The following ZFAND4 variants were observed in gnomAD, a reference collection of about 807,000 sequenced individuals.
ZFAND4 encodes the protein zinc finger AN1-type containing 4.
ZFAND4 carries 43 observed loss-of-function variants against 64.4 expected under a neutral mutation model. The ratio of observed to expected loss-of-function variants is 0.67; its 90% confidence interval spans 0.52 to 0.86. The LOEUF is 0.86. ZFAND4 is among the 40% of genes least tolerant of loss of function. The probability of loss-of-function intolerance (pLI) is 0.00; values close to 1 mark genes in which losing one functional copy is unlikely to be tolerated. For synonymous variants in ZFAND4, 296 were observed against 305.7 expected (o/e 0.97, Z 0.33); for missense variants, 929 against 859.8 (o/e 1.08, Z -1.01).
At chr10:45,641,837 A>C (rs924021172) in intron 5 of ZFAND4, among the ~76,000 whole-genome samples, 1 of 152,228 alleles carries the variant, frequency 6.6e-6, no homozygotes, top group African/African-American at 2.4e-5. Context: ...TGCAGGTGAG[A>C]GAGGTTAAGT....
intron 5 of ZFAND4, among the ~76,000 whole-genome samples, chr10:45,645,670 C>G (rs78712148): frequency 0.02 from 3,116 of 152,186 alleles, 116 homozygotes; most frequent in African/African-American, 0.07. Flanking sequence ...TTGAATTACA[C>G]GTAACAGCAA....
Position 45,626,121 on chromosome 10 carries a change from T to G in ZFAND4, c.1702A>C (p.Ser568Arg). The G allele has an allele frequency of 6.2e-7, 1 of 1,614,172 alleles. No homozygotes were observed. Among genetic ancestry groups the G allele is most frequent in the Non-Finnish European group, 8.5e-7 (1 of 1,180,038 alleles). The change falls in exon 7 of 10, where the codon AGT becomes CGT. Residue 568 changes from serine to arginine, a missense_variant. Physicochemically the swap from Ser to Arg is moderately radical, Grantham distance 110. Transcript: ENST00000344646. ...CTCCCGGCCAGTGAGGCAAGAAAAC[T>G]GATATTATTTACACAACCAACAGGC... ...KEPVGCVNNI[S>R]FLASLAGSTS...
rs1485290107 is a variant in ZFAND4, at chr10:45,663,563, C to T, written c.163G>A (p.Ala55Thr). Residue 55 changes from alanine to threonine, a missense_variant, in exon 2 of 10, where the codon GCA (alanine) becomes ACA (threonine). Transcript: ENST00000344646. ...GTACCTTCCAATCTTCGAATTTTTG[C>T]TTTCACAGAAATAACAGTTTCAAAA... ...SPFETVISVK[A>T]KIRRLEGIPI... 6.3e-7 allele frequency: 1 copy of T among 1,590,444 alleles called. No homozygotes were observed. The highest frequency in any genetic ancestry group is 1.2e-5 in the South Asian group (1 of 85,792).
chr10:45,662,575 C>G (rs2133851350), intron 2 of ZFAND4: 1 of 984,892 alleles, frequency 1.0e-6, no homozygotes, highest in Middle Eastern at 5.2e-4. Flanking sequence ...GACTCTAGAT[C>G]TCACCAAATC....
chr10:45,629,684 A>AAACCCATCT (rs1194491542), intron 6 of ZFAND4, among the ~76,000 whole-genome samples: 1 of 151,826 alleles, frequency 6.6e-6, no homozygotes, highest in Non-Finnish European at 1.5e-5. Flanking sequence ...AACATGAGAA[A>AAACCCATCT]AACCCATCTC....
rs756788884 is a variant in ZFAND4, at chr10:45,648,244, A to G, written c.569+50T>C. On this transcript the variant is annotated intron_variant, in intron 5 of 9. Transcript: ENST00000344646. ...AATGAGATGCATGACATTTGTTAATATATATAGATTATTTTGACAACACAA... is the reference window on the plus strand; with the variant it reads ...AATGAGATGCATGACATTTGTTAATGTATATAGATTATTTTGACAACACAA... 4.7e-6 allele frequency: 7 copies of G among 1,503,290 alleles called. No homozygotes were observed. The East Asian group carries it at 1.6e-4, about 35-fold the overall frequency. The allele number at this position is 1,503,290 out of a possible 1,614,324, so 93.1% of individuals were successfully genotyped here.
intron 1 of ZFAND4, among the ~76,000 whole-genome samples, chr10:45,670,101 G>A (rs988352549): frequency 6.6e-6 from 1 of 152,088 alleles, no homozygotes; most frequent in African/African-American, 2.4e-5. Flanking sequence ...GTCCCTGTTT[G>A]CAGATGACAT....
At chr10:45,665,075 C>T (rs937778156) in intron 1 of ZFAND4, among the ~76,000 whole-genome samples, 2 of 152,174 alleles carry the variant, frequency 1.3e-5, no homozygotes, top group East Asian at 3.9e-4. Context: ...GAGTGGTAAG[C>T]CCAACAAATA....
rs2049256461 is a variant in ZFAND4 at position 45,672,370 on chromosome 10, A to G, written c.-238T>C. ...TCCGCGTGACAACAGCGACTCGGAG[A>G]TCAGCACCCGTCGGGAAAGCCGCGT... On this transcript the variant is annotated 5_prime_UTR_variant, in exon 1 of 10. Transcript: ENST00000344646. 1 of 152,318 alleles carries G rather than the reference A, an allele frequency of 6.6e-6. No homozygotes were observed. The highest frequency in any genetic ancestry group is 2.1e-4 in the South Asian group (1 of 4,836). 9.4% of individuals were successfully genotyped at this position (152,318 alleles called of 1,614,324 possible).
At chr10:45,667,943 C>G (rs544052320) in intron 1 of ZFAND4, among the ~76,000 whole-genome samples, 1 of 152,222 alleles carries the variant, frequency 6.6e-6, no homozygotes, top group Non-Finnish European at 1.5e-5. Flanking sequence ...GGTTGACGAG[C>G]TTCCCTTCTA....
chr10:45,629,187 C>A (rs573482798), intron 6 of ZFAND4, among the ~76,000 whole-genome samples: 1 of 152,152 alleles, frequency 6.6e-6, no homozygotes, highest in South Asian at 2.1e-4. Flanking sequence ...ATCGATCCTC[C>A]GAGCAGCTGG....
chr10:45,631,119 C>G (rs2046187713), intron 6 of ZFAND4, among the ~76,000 whole-genome samples: 2 of 151,846 alleles, frequency 1.3e-5, no homozygotes, highest in South Asian at 4.1e-4. Context: ...GAGATCGAGA[C>G]CATCCTGGCT....
intron 8 of ZFAND4, among the ~76,000 whole-genome samples, chr10:45,620,209 C>T (rs112065093): frequency 6.6e-6 from 1 of 151,970 alleles, no homozygotes; most frequent in African/African-American, 2.4e-5. Context: ...TGAGGCTGGG[C>T]GCGGTGGCTC....
intron 5 of ZFAND4, 199 bp from the exon 6 acceptor site, chr10:45,640,162 T>G: frequency 7.9e-7 from 1 of 1,260,924 alleles, no homozygotes; most frequent in South Asian, 1.8e-5. Context: ...AATATTATGA[T>G]CTAGGATTAC....
chr10:45,646,990 A>T (rs748909556), intron 5 of ZFAND4, among the ~76,000 whole-genome samples: 2 of 152,112 alleles, frequency 1.3e-5, no homozygotes, highest in African/African-American at 2.4e-5. Flanking sequence ...TCTTTCTTTC[A>T]TGTAACACTC....
chr10:45,659,767 A>G lies in ZFAND4; in HGVS notation c.184+3775T>C, dbSNP rs535581617. On this transcript the variant is annotated intron_variant, in intron 2 of 9. Coordinates refer to ENST00000344646, the MANE Select transcript of ZFAND4 (RefSeq NM_174890.4). ...TAACAGATTGATAATACAAGCAGAG[A>G]TGGAAACTTTAAGAATAAAAAGTAG... Among the ~76,000 whole-genome samples, 37 of 152,288 alleles carry G rather than the reference A, an allele frequency of 2.4e-4. No homozygotes were observed. The South Asian group carries it at 7.2e-3, about 30-fold the overall frequency.
rs76346464 is a variant in ZFAND4, at chr10:45,629,177, A to G, written c.718-2072T>C. Among the ~76,000 whole-genome samples, 569 of 152,164 alleles carry G rather than the reference A, an allele frequency of 3.7e-3. 13 individuals carry two copies. In the East Asian group the frequency reaches 0.051, roughly 14 times the overall value. On this transcript the variant is annotated intron_variant, in intron 6 of 9. Transcript: ENST00000344646. The stretch of plus-strand genomic sequence containing the variant: ...CTGCAGCCTCACCCTCCCAGGGTCA[A>G]TCGATCCTCCGAGCAGCTGGGACTA...
intron 9 of ZFAND4, 34 bp downstream of exon 9, chr10:45,618,106 A>G: frequency 6.3e-7 from 1 of 1,587,630 alleles, no homozygotes; most frequent in Admixed American, 1.9e-5. Flanking sequence ...TATCACAGAG[A>G]AAGCATCTGA....
chr10:45,648,647 T>G (rs1221218571), intron 4 of ZFAND4, 113 bp from the exon 5 acceptor site: 1 of 1,130,752 alleles, frequency 8.8e-7, no homozygotes, highest in East Asian at 2.8e-5. Flanking sequence ...GCATATAATA[T>G]AAACATGATA....
Sources: allele counts gnomAD v4.1 joint callset (sites outside exome capture counted in the v4.1 genomes callset), GRCh38; gene constraint gnomAD v4.1.1; transcripts MANE v1.5; gene names NCBI Gene and HGNC (gene_info 2026-07-23, HGNC 2026-07-21).